Variants in KSR2 observed in about 807,000 individuals in gnomAD.
The protein encoded by KSR2 is kinase suppressor of ras 2.
KSR2 carries 25 observed loss-of-function variants against 107.8 expected under a neutral mutation model. The observed-to-expected ratio is 0.23, with a 90% confidence interval of 0.17 to 0.32. The LOEUF (loss-of-function observed/expected upper bound fraction) is 0.32. Among genes scored for constraint, KSR2 ranks in the 10% least tolerant of loss-of-function variants. The probability of loss-of-function intolerance (pLI) is 1.00; values close to 1 mark genes in which losing one functional copy is unlikely to be tolerated. For synonymous variants in KSR2, 480 were observed against 507.0 expected (o/e 0.95, Z 0.71); for missense variants, 887 against 1,268.9 (o/e 0.70, Z 4.57).
intron 5 of KSR2, among the ~76,000 whole-genome samples, chr12:117,644,202 T>G (rs1405276200): frequency 6.6e-6 from 1 of 152,208 alleles, no homozygotes; most frequent in Non-Finnish European, 1.5e-5. Flanking sequence ...ATCAGTGTGT[T>G]AGTAAGCAGG....
At chr12:117,738,419 A>C (rs1888028840) in intron 4 of KSR2, among the ~76,000 whole-genome samples, 1 of 152,224 alleles carries the variant, frequency 6.6e-6, no homozygotes. Flanking sequence ...GTAGCCTACT[A>C]TCCCCCCAGG....
intron 3 of KSR2, among the ~76,000 whole-genome samples, chr12:117,848,730 A>T (rs1389730415): frequency 6.9e-6 from 1 of 144,492 alleles, no homozygotes; most frequent in African/African-American, 2.4e-5. Flanking sequence ...GGGAAGAAAA[A>T]GGCTGGAGGA....
intron 5 of KSR2, among the ~76,000 whole-genome samples, chr12:117,638,435 C>T (rs1883207009): frequency 6.6e-6 from 1 of 151,896 alleles, no homozygotes; most frequent in African/African-American, 2.4e-5. Context: ...TGGGGTGCCA[C>T]ACAGTGCAAT....
chr12:117,577,996 T>C (rs1879391886), intron 7 of KSR2, among the ~76,000 whole-genome samples: 1 of 152,176 alleles, frequency 6.6e-6, no homozygotes, highest in Admixed American at 6.5e-5. Context: ...GGAGCCCACA[T>C]CTGGCGTCTC....
chr12:117,869,019 C>T (rs1304125138), intron 1 of KSR2, among the ~76,000 whole-genome samples: 1 of 151,578 alleles, frequency 6.6e-6, no homozygotes, highest in Non-Finnish European at 1.5e-5. Context: ...TCCCAAAGTG[C>T]TGGCATTATA....
At position 117,717,708 on chromosome 12, in the gene KSR2, T is replaced by C. The variant is rs1488725166; in HGVS notation, c.986+43303A>G. Among the ~76,000 whole-genome samples the C allele has an allele frequency of 5.5e-3, 497 of 90,420 alleles. 1 individual carries two copies. The highest frequency in any genetic ancestry group is 0.012 in the Admixed American group (98 of 8,190). 59.3% of individuals were successfully genotyped at this position (90,420 alleles called of 152,430 possible). A position where few individuals can be genotyped will look rare whatever the true frequency, so the allele number is the denominator to read the frequency against. On this transcript the variant is annotated intron_variant, in intron 4 of 19. Transcript: ENST00000339824. ...GTGTGTGTGTGTGTGTGTGTGTGTG[T>C]GTGTGCATGCGCGCGCGTGCATGCA...
intron 4 of KSR2, among the ~76,000 whole-genome samples, chr12:117,694,882 C>G (rs948100916): frequency 7.7e-6 from 1 of 129,886 alleles, no homozygotes; most frequent in Non-Finnish European, 1.6e-5. Context: ...TGGAGCCTCA[C>G]TCTGTTGCCT....
intron 4 of KSR2, among the ~76,000 whole-genome samples, chr12:117,696,949 C>T (rs1033760775): frequency 6.6e-6 from 1 of 152,130 alleles, no homozygotes; most frequent in African/African-American, 2.4e-5. Flanking sequence ...TCACGACACA[C>T]CCAGAAAATG....
In KSR2 at chr12:117,525,175, G is replaced by A. The variant is rs370589065; in HGVS notation, c.1896C>T (p.Phe632=). ...HDEAEESEDD[F]EEMNLSLLSA... ...AGAGGAGGGACAGGTTCATCTCCTC[G>A]AAGTCATCCTCTGACTCTTCGGCCT... The change falls in exon 14 of 20, where the codon TTC becomes TTT. Residue 632 remains phenylalanine, a synonymous_variant. Coordinates refer to ENST00000339824, the MANE Select transcript of KSR2 (RefSeq NM_173598.6). The A allele has an allele frequency of 1.2e-5, 20 of 1,613,238 alleles. No individual in the cohort carries two copies. The highest frequency in any genetic ancestry group is 1.6e-4 in the Middle Eastern group (1 of 6,080).
chr12:117,956,648 TG>T (rs1217306868), intron 1 of KSR2, among the ~76,000 whole-genome samples: 2 of 149,894 alleles, frequency 1.3e-5, no homozygotes, highest in Non-Finnish European at 3.0e-5. Context: ...GAGTTTGGAC[TG>T]GGGGTGGCTG....
intron 5 of KSR2, among the ~76,000 whole-genome samples, chr12:117,641,986 C>T (rs966953113): frequency 2.0e-5 from 3 of 152,212 alleles, no homozygotes; most frequent in African/African-American, 4.8e-5. Context: ...TCAGCAGAGG[C>T]TATTCCTTCT....
intron 5 of KSR2, among the ~76,000 whole-genome samples, chr12:117,595,404 C>A (rs1880577786): frequency 8.7e-6 from 1 of 115,482 alleles, no homozygotes; most frequent in Admixed American, 1.1e-4. Flanking sequence ...GTTGCCCAGG[C>A]CGGACTGCGG....
chr12:117,574,697 A>G (rs1309340456), intron 7 of KSR2, among the ~76,000 whole-genome samples: 2 of 152,090 alleles, frequency 1.3e-5, no homozygotes, highest in African/African-American at 4.8e-5. Flanking sequence ...CAGCCATTGC[A>G]TTTAAGACCA....
At chr12:117,697,608 C>T (rs1403449249) in intron 4 of KSR2, among the ~76,000 whole-genome samples, 1 of 151,956 alleles carries the variant, frequency 6.6e-6, no homozygotes, top group Non-Finnish European at 1.5e-5. Flanking sequence ...GGCATGGTGG[C>T]ACATGCCTGT....
At chr12:117,960,851 G>A (rs1394219126) in intron 1 of KSR2, among the ~76,000 whole-genome samples, 1 of 148,836 alleles carries the variant, frequency 6.7e-6, no homozygotes, top group Admixed American at 6.8e-5. Context: ...CGAGGCTGGA[G>A]TGCAGTGGTA....
intron 5 of KSR2, among the ~76,000 whole-genome samples, chr12:117,607,396 A>G (rs1277434028): frequency 2.0e-5 from 3 of 152,206 alleles, no homozygotes; most frequent in Non-Finnish European, 4.4e-5. Context: ...AAATGAGCCC[A>G]GAGAGATGCC....
chr12:117,913,722 GC>G (rs1160676439), intron 1 of KSR2, among the ~76,000 whole-genome samples: 1 of 152,182 alleles, frequency 6.6e-6, no homozygotes, highest in African/African-American at 2.4e-5. Flanking sequence ...GCATGGCCCT[GC>G]TGACATCTTG....
chr12:117,660,610 C>T (rs1299778157), intron 5 of KSR2, among the ~76,000 whole-genome samples: 1 of 152,170 alleles, frequency 6.6e-6, no homozygotes, highest in Non-Finnish European at 1.5e-5. Context: ...AAGGCACATC[C>T]ACAGGTGTGT....
intron 3 of KSR2, among the ~76,000 whole-genome samples, chr12:117,795,725 C>G (rs113331237): frequency 0.041 from 6,283 of 152,144 alleles, 179 homozygotes; most frequent in East Asian, 0.088. Flanking sequence ...AACTCTCAGG[C>G]TCAAGCAATC....
Sources: gnomAD v4.1 joint callset for allele counts (sites outside exome capture counted in the v4.1 genomes callset) on GRCh38, gnomAD v4.1.1 for gene constraint, MANE v1.5 for transcripts, NCBI Gene and HGNC (gene_info 2026-07-23, HGNC 2026-07-21) for gene names.